Variants in LRRC14 observed in about 807,000 individuals in gnomAD.
LRRC14 encodes leucine rich repeat containing 14.
In LRRC14, 16 loss-of-function variants were observed where a neutral mutation model predicts 25.3. The ratio of observed to expected loss-of-function variants is 0.63; its 90% CI spans 0.43 to 0.96. LRRC14 has a LOEUF of 0.96. LRRC14 is among the 40% of genes least tolerant of loss of function. LRRC14 has a pLI of 0.00. For missense variants in LRRC14, 594 were observed against 660.5 expected, an observed-to-expected ratio of 0.90 and a Z score of 1.10; for synonymous variants, 359 against 295.1, an observed-to-expected ratio of 1.22 and a Z score of -2.22.
Position 144,523,821 on chromosome 8 carries a change from C to G in LRRC14, c.*2343C>G, listed in dbSNP as rs920142003. The G allele has an allele frequency of 1.3e-5, 6 of 475,612 alleles. No homozygotes were observed. The highest frequency in any genetic ancestry group is 3.5e-5 in the East Asian group (1 of 28,722). The allele number at this position is 475,612 out of a possible 1,614,324, so 29.5% of individuals were successfully genotyped here. On this transcript the variant is annotated 3_prime_UTR_variant, in exon 4 of 4. Transcript: ENST00000292524. ...TGTCCCCAGTCCTGGTCAGCTGTCT[C>G]TCTCCTTTGCAATTTTGTCTGCCTC... is the stretch of plus-strand genomic sequence containing the variant.
rs1388518682 is a variant in LRRC14, at chr8:144,521,463, C to T, written c.1467C>T (p.Asp489=). Residue 489 remains aspartate (D), a synonymous_variant, in exon 4 of 4, where the codon GAC becomes GAT. Coordinates refer to ENST00000292524, the MANE Select transcript of LRRC14 (RefSeq NM_014665.4). ...TTDIYGRLAA[D]YFSL ...ACATCTACGGGCGACTGGCTGCGGA[C>T]TACTTCAGCCTATGATGAAGTAGCT... The T allele has an allele frequency of 6.3e-7, 1 of 1,599,308 alleles. No individual in the cohort carries two copies. The highest frequency in any genetic ancestry group is 8.5e-7 in the Non-Finnish European group (1 of 1,177,198).
In LRRC14 at chr8:144,522,818, C is replaced by T. The variant is rs1816171742; in HGVS notation, c.*1340C>T. ...CGCAATGGCCGTCTGTGTGGCCACG[C>T]CCAGGGCGCGGAAGGCCATGCTGCC... On this transcript the variant is annotated 3_prime_UTR_variant, in exon 4 of 4. Coordinates refer to ENST00000292524, the MANE Select transcript of LRRC14 (RefSeq NM_014665.4). 1.3e-6 allele frequency: 2 copies of T among 1,492,708 alleles called. No individual in the cohort carries two copies. Among genetic ancestry groups the T allele is most frequent in the Non-Finnish European group, 1.8e-6 (2 of 1,124,694 alleles). The allele number at this position is 1,492,708 out of a possible 1,614,324, so 92.5% of individuals were successfully genotyped here.
At chr8:144,519,545 G>A (rs1815826438) in intron 1 of LRRC14, 70 bp from the exon 2 acceptor site, 2 of 615,538 alleles carry the variant, frequency 3.2e-6, no homozygotes, top group South Asian at 3.9e-5. Context: ...ACTGCACCCA[G>A]CCCAGCGCTA....
In LRRC14 at chr8:144,524,639, G is replaced by A; in HGVS notation, c.*3161G>A. Reference sequence around the variant, plus strand: ...GGGCGCGCAGGCTGTTGTTGTGCAGGTAGAGCCGGCGCAGAGCGGCGAGTG... The same window carrying A: ...GGGCGCGCAGGCTGTTGTTGTGCAGATAGAGCCGGCGCAGAGCGGCGAGTG... On this transcript the variant is annotated 3_prime_UTR_variant, in exon 4 of 4. Coordinates refer to ENST00000292524, the MANE Select transcript of LRRC14 (RefSeq NM_014665.4). 6.6e-7 allele frequency: 1 copy of A among 1,516,060 alleles called. No individual in the cohort carries two copies. Among genetic ancestry groups the A allele is most frequent in the Non-Finnish European group, 8.8e-7 (1 of 1,140,576 alleles). 93.9% of individuals were successfully genotyped at this position (1,516,060 alleles called of 1,614,324 possible). A position where few individuals can be genotyped will look rare whatever the true frequency, so the allele number is the denominator to read the frequency against.
chr8:144,522,249 A>G lies in LRRC14; in HGVS notation c.*771A>G. 2 of 557,492 alleles carry G rather than the reference A, an allele frequency of 3.6e-6. No homozygotes were observed. The highest frequency in any genetic ancestry group is 5.6e-6 in the Non-Finnish European group (2 of 354,890). 34.5% of individuals were successfully genotyped at this position (557,492 alleles called of 1,614,324 possible). On this transcript the variant is annotated 3_prime_UTR_variant, in exon 4 of 4. Transcript: ENST00000292524. ...CCAGCGAGGGACCCCCCCCATGCAG[A>G]GCTGGAGGTTGGGGTGATGTCTTTT...
At chr8:144,518,655 G>A (rs1206392293) in intron 1 of LRRC14, 1 of 152,288 alleles carries the variant, frequency 6.6e-6, no homozygotes. Flanking sequence ...AGGGCCTTGG[G>A]GCCAGAGTGT....
In LRRC14 at chr8:144,520,518, G is replaced by T; in HGVS notation, c.610G>T (p.Asp204Tyr). The change falls in exon 3 of 4, where the codon GAC (aspartate) becomes TAC (tyrosine). Residue 204 changes from aspartate to tyrosine, a missense_variant. Asp to Tyr is a radical substitution (Grantham distance 160). Transcript: ENST00000292524. ...RLCCRDLRAE[D>Y]LPMRNTVALL... ...CTGCTGCCGGGACCTGCGAGCTGAG[G>T]ACCTGCCCATGCGCAACACTGTGGC... is the stretch of plus-strand genomic sequence containing the variant. 1 of 1,599,526 alleles carries T rather than the reference G, an allele frequency of 6.3e-7. No homozygotes were observed. The highest frequency in any genetic ancestry group is 8.5e-7 in the Non-Finnish European group (1 of 1,179,464).
At position 144,522,340 on chromosome 8, in the gene LRRC14, C is replaced by G. The variant is rs1385244735; in HGVS notation, c.*862C>G. On this transcript the variant is annotated 3_prime_UTR_variant, in exon 4 of 4. Coordinates refer to ENST00000292524, the MANE Select transcript of LRRC14 (RefSeq NM_014665.4). ...CCTTCCATTGCTACCCCAGGATTCC[C>G]GAGTGCAACGTTCCCGGCTCGCGCC... 7.8e-6 allele frequency: 10 copies of G among 1,281,532 alleles called. No homozygotes were observed. The East Asian group carries it at 2.5e-4, about 32-fold the overall frequency. 79.4% of individuals were successfully genotyped at this position (1,281,532 alleles called of 1,614,324 possible).
chr8:144,520,422 C>T lies in LRRC14; in HGVS notation c.514C>T (p.Arg172Trp), dbSNP rs199820567. Residue 172 changes from arginine to tryptophan, a missense_variant, in exon 3 of 4, where the codon CGG (arginine) becomes TGG (tryptophan). Arg to Trp is a moderately radical substitution (Grantham distance 101, BLOSUM62 -3). Coordinates refer to ENST00000292524, the MANE Select transcript of LRRC14 (RefSeq NM_014665.4). ...CCCCGTGGAGGTGCGCGTGGACCTGCGGGTGAACCGGGCCTCCTATGCGTT... is the reference window on the plus strand; with the variant it reads ...CCCCGTGGAGGTGCGCGTGGACCTGTGGGTGAACCGGGCCTCCTATGCGTT... ...PIPVEVRVDLRVNRASYAFLR... is the reference protein window; with the variant it reads ...PIPVEVRVDLWVNRASYAFLR... The T allele has an allele frequency of 1.0e-5, 16 of 1,600,556 alleles. No individual in the cohort carries two copies. The highest frequency in any genetic ancestry group is 3.3e-5 in the South Asian group (3 of 90,672).
Position 144,525,096 on chromosome 8 carries a change from G to A in LRRC14, c.*3618G>A. The A allele has an allele frequency of 9.1e-7, 1 of 1,095,056 alleles. No homozygotes were observed. Among genetic ancestry groups the A allele is most frequent in the Non-Finnish European group, 1.2e-6 (1 of 833,982 alleles). The allele number at this position is 1,095,056 out of a possible 1,614,324, so 67.8% of individuals were successfully genotyped here. The stretch of plus-strand genomic sequence containing the variant: ...GAGCCAGCCAATAGATGGAATGGAG[G>A]CCTGCACCTGCGTCTAACTTTTGAC... On this transcript the variant is annotated 3_prime_UTR_variant, in exon 4 of 4. Coordinates refer to ENST00000292524, the MANE Select transcript of LRRC14 (RefSeq NM_014665.4).
chr8:144,520,418 C>T lies in LRRC14; in HGVS notation c.510C>T (p.Asp170=), dbSNP rs1214021566. Residue 170 remains aspartate, a synonymous_variant, in exon 3 of 4, where the codon GAC becomes GAT. Transcript: ENST00000292524. The part of the protein sequence containing the change: ...PAPIPVEVRV[D]LRVNRASYAF... ...CCATCCCCGTGGAGGTGCGCGTGGA[C>T]CTGCGGGTGAACCGGGCCTCCTATG... The T allele has an allele frequency of 1.2e-6, 2 of 1,602,258 alleles. No homozygotes were observed. The highest frequency in any genetic ancestry group is 1.7e-5 in the Admixed American group (1 of 59,834).
chr8:144,522,690 C>G lies in LRRC14; in HGVS notation c.*1212C>G, dbSNP rs752231080. ...TCCAAGTAGTCGTTGACGAACAGCG[C>G]TCCCTCCCCCGGAGGCCCCCGCGCC... On this transcript the variant is annotated 3_prime_UTR_variant, in exon 4 of 4. Coordinates refer to ENST00000292524, the MANE Select transcript of LRRC14 (RefSeq NM_014665.4). 7 of 1,596,448 alleles carry G rather than the reference C, an allele frequency of 4.4e-6. No homozygotes were observed. The highest frequency in any genetic ancestry group is 1.7e-5 in the Admixed American group (1 of 58,368).
At position 144,520,483 on chromosome 8, in the gene LRRC14, C is replaced by A; in HGVS notation, c.575C>A (p.Pro192Gln). Residue 192 changes from proline (P) to glutamine (Q), a missense_variant, in exon 3 of 4, where the codon CCG (proline) becomes CAG (glutamine). Coordinates refer to ENST00000292524, the MANE Select transcript of LRRC14 (RefSeq NM_014665.4). ...REALRSSVGS[P>Q]LRLCCRDLRA... ...GCACTCCGAAGCAGCGTGGGCAGCC[C>A]GCTGCGGCTCTGCTGCCGGGACCTG... 6.3e-7 allele frequency: 1 copy of A among 1,598,100 alleles called. No individual in the cohort carries two copies. Among genetic ancestry groups the A allele is most frequent in the Non-Finnish European group, 8.5e-7 (1 of 1,177,782 alleles).
Position 144,522,758 on chromosome 8 carries a change from A to C in LRRC14, c.*1280A>C. The C allele has an allele frequency of 6.3e-7, 1 of 1,579,560 alleles. No individual in the cohort carries two copies. Among genetic ancestry groups the C allele is most frequent in the Non-Finnish European group, 8.6e-7 (1 of 1,165,508 alleles). On this transcript the variant is annotated 3_prime_UTR_variant, in exon 4 of 4. Coordinates refer to ENST00000292524, the MANE Select transcript of LRRC14 (RefSeq NM_014665.4). ...CCGGCGACAGATCATGGCGACCAGG[A>C]GCAGCGCCGTGAGCGCCAGCAGCGC... is the stretch of plus-strand genomic sequence containing the variant.
chr8:144,520,167 G>C, intron 2 of LRRC14, 71 bp from the exon 3 acceptor site: 1 of 1,574,848 alleles, frequency 6.3e-7, no homozygotes, highest in Non-Finnish European at 8.6e-7. Context: ...CGTTGCTCCT[G>C]TCCCAAGGTG....
At position 144,520,365 on chromosome 8, in the gene LRRC14, G is replaced by T. The variant is rs760228498; in HGVS notation, c.457G>T (p.Gly153Cys). The change falls in exon 3 of 4, where the codon GGT (glycine) becomes TGT (cysteine). Residue 153 changes from glycine to cysteine, a missense_variant. Transcript: ENST00000292524. Reference sequence around the variant, plus strand: ...TCGCACATGCATTGCCCAGCAGCAGGGTGGGGCCGCAGAGCCTGGGCCAGC... The same window carrying T: ...TCGCACATGCATTGCCCAGCAGCAGTGTGGGGCCGCAGAGCCTGGGCCAGC... ...VARTCIAQQQ[G>C]GAAEPGPAPI... is the part of the protein sequence containing the mutation. 15 of 1,611,186 alleles carry T rather than the reference G, an allele frequency of 9.3e-6. No individual in the cohort carries two copies. In the South Asian group the frequency reaches 1.6e-4, roughly 18 times the overall value.
Position 144,520,627 on chromosome 8 carries a change from T to A in LRRC14, c.719T>A (p.Ile240Asn), listed in dbSNP as rs1387667639. 6.2e-7 allele frequency: 1 copy of A among 1,602,032 alleles called. No individual in the cohort carries two copies. Among genetic ancestry groups the A allele is most frequent in the Non-Finnish European group, 8.5e-7 (1 of 1,179,938 alleles). ...NNLGLRGLSV[I>N]IPHVARFQHL... is the part of the protein sequence containing the mutation. ...CTGGGCCTGCGCGGCCTGTCTGTGA[T>A]CATCCCACACGTGGCCCGCTTCCAG... is the stretch of plus-strand genomic sequence containing the variant. Residue 240 changes from isoleucine (I) to asparagine (N), a missense_variant, in exon 3 of 4, where the codon ATC becomes AAC. Coordinates refer to ENST00000292524, the MANE Select transcript of LRRC14 (RefSeq NM_014665.4).
At position 144,524,687 on chromosome 8, in the gene LRRC14, G is replaced by C; in HGVS notation, c.*3209G>C. 6.8e-7 allele frequency: 1 copy of C among 1,472,594 alleles called. No individual in the cohort carries two copies. The highest frequency in any genetic ancestry group is 8.9e-7 in the Non-Finnish European group (1 of 1,122,744). The allele number at this position is 1,472,594 out of a possible 1,614,324, so 91.2% of individuals were successfully genotyped here. Reference sequence around the variant, plus strand: ...GTGGCGCCAGGGCTCCCGGCTCTAGGCGGGCGATGTTGTTGTCCTGCAGGA... The same window carrying C: ...GTGGCGCCAGGGCTCCCGGCTCTAGCCGGGCGATGTTGTTGTCCTGCAGGA... On this transcript the variant is annotated 3_prime_UTR_variant, in exon 4 of 4. Coordinates refer to ENST00000292524, the MANE Select transcript of LRRC14 (RefSeq NM_014665.4).
In LRRC14 at chr8:144,524,986, C is replaced by A; in HGVS notation, c.*3508C>A. 1 of 1,440,612 alleles carries A rather than the reference C, an allele frequency of 6.9e-7. No homozygotes were observed. The highest frequency in any genetic ancestry group is 1.4e-5 in the South Asian group (1 of 72,364). The allele number at this position is 1,440,612 out of a possible 1,614,324, so 89.2% of individuals were successfully genotyped here. On this transcript the variant is annotated 3_prime_UTR_variant, in exon 4 of 4. Coordinates refer to ENST00000292524, the MANE Select transcript of LRRC14 (RefSeq NM_014665.4). ...GCCCTCAGGGCCATCTCCCGAGGCC[C>A]GGTTCCTCACCGGCCCTTCCGCGGT... is the stretch of plus-strand genomic sequence containing the variant.
Sources: gnomAD v4.1 joint callset for allele counts on GRCh38, gnomAD v4.1.1 for gene constraint, MANE v1.5 for transcripts, NCBI Gene and HGNC (gene_info 2026-07-23, HGNC 2026-07-21) for gene names.